The following GNB1 variants were observed in gnomAD, a reference collection of about 807,000 sequenced individuals.
GNB1 encodes guanine nucleotide-binding protein G(I)/G(S)/G(T) subunit beta-1.
GNB1 carries 2 observed loss-of-function variants against 42.9 expected under a neutral mutation model. That is an observed-to-expected ratio of 0.05 (90% CI 0.02 to 0.15). The LOEUF (loss-of-function observed/expected upper bound fraction) is 0.15, where lower values mean the gene tolerates loss of function less well. Ranked by LOEUF, GNB1 falls within the 10% of genes least tolerant of loss-of-function variation. The pLI, the probability that GNB1 is intolerant of heterozygous loss-of-function variation, is 1.00. For missense variants in GNB1, 193 were observed against 462.2 expected (o/e 0.42, Z 5.34); for synonymous variants, 183 against 174.7 (o/e 1.05, Z -0.38).
chr1:1,875,585 T>C (rs1649497107), intron 1 of GNB1, among the ~76,000 whole-genome samples: 2 of 152,156 alleles, frequency 1.3e-5, no homozygotes, highest in Admixed American at 1.3e-4. Flanking sequence ...CATAGCTCAT[T>C]GCAGCCTCAA....
intron 1 of GNB1, among the ~76,000 whole-genome samples, chr1:1,878,579 A>G (rs1195337078): frequency 6.6e-6 from 1 of 152,144 alleles, no homozygotes; most frequent in South Asian, 2.1e-4. Flanking sequence ...GCCCTACAGC[A>G]GACTCGTCCG....
At chr1:1,830,162 A>T (rs2101045345) in intron 2 of GNB1, among the ~76,000 whole-genome samples, 1 of 152,280 alleles carries the variant, frequency 6.6e-6, no homozygotes, top group Middle Eastern at 3.4e-3. Context: ...ACCCCCCTAC[A>T]CACCAACACA....
At chr1:1,810,408 C>T (rs1249819519) in intron 5 of GNB1, among the ~76,000 whole-genome samples, 1 of 151,782 alleles carries the variant, frequency 6.6e-6, no homozygotes, top group Non-Finnish European at 1.5e-5. Context: ...CAGTGATGTG[C>T]ACCTGTGGTA....
At chr1:1,876,510 A>AGAGAGAGC (rs1649553464) in intron 1 of GNB1, among the ~76,000 whole-genome samples, 1 of 151,784 alleles carries the variant, frequency 6.6e-6, no homozygotes, top group African/African-American at 2.4e-5. Flanking sequence ...AGAGAGAGAG[A>AGAGAGAGC]GAGAGCGAGC....
intron 7 of GNB1, among the ~76,000 whole-genome samples, chr1:1,797,153 C>T (rs899040077): frequency 3.9e-5 from 6 of 152,124 alleles, no homozygotes; most frequent in Non-Finnish European, 5.9e-5. Flanking sequence ...AAGAACGGGA[C>T]GATGGGCTTG....
At chr1:1,854,610 C>CT (rs1281734892) in intron 1 of GNB1, among the ~76,000 whole-genome samples, 1 of 152,166 alleles carries the variant, frequency 6.6e-6, no homozygotes, top group Non-Finnish European at 1.5e-5. Flanking sequence ...ACATTCCTTC[C>CT]TAAGTAAGTT....
At chr1:1,876,229 T>C (rs148481431) in intron 1 of GNB1, among the ~76,000 whole-genome samples, 238 of 152,276 alleles carry the variant, frequency 1.6e-3, no homozygotes, top group African/African-American at 5.5e-3. Context: ...GAAACTAACA[T>C]TGTGTCATTT....
intron 3 of GNB1, among the ~76,000 whole-genome samples, chr1:1,823,242 G>GAAAAAAAAAAAAAAAAA (rs745874003): frequency 2.7e-5 from 1 of 36,842 alleles, no homozygotes; most frequent in Non-Finnish European, 5.7e-5. Context: ...ACTGTCTCCA[G>GAAAAAAAAAAAAAAAAA]AAAAAAAAAA....
At chr1:1,847,219 T>C (rs746109454) in intron 1 of GNB1, among the ~76,000 whole-genome samples, 3 of 152,182 alleles carry the variant, frequency 2.0e-5, no homozygotes, top group Non-Finnish European at 4.4e-5. Context: ...TCTACAAAGC[T>C]GCTAACCCCT....
chr1:1,802,078 T>C (rs1646633680), intron 7 of GNB1, among the ~76,000 whole-genome samples: 1 of 152,164 alleles, frequency 6.6e-6, no homozygotes, highest in South Asian at 2.1e-4. Context: ...GAAGCACAGA[T>C]TGACAGAATT....
chr1:1,803,441 G>A (rs183254470), intron 7 of GNB1, among the ~76,000 whole-genome samples: 1 of 152,244 alleles, frequency 6.6e-6, no homozygotes, highest in East Asian at 1.9e-4. Context: ...GTGCCACTGT[G>A]CGTGGCTGTT....
At chr1:1,874,191 C>A (rs1246261422) in intron 1 of GNB1, among the ~76,000 whole-genome samples, 1 of 152,166 alleles carries the variant, frequency 6.6e-6, no homozygotes, top group African/African-American at 2.4e-5. Flanking sequence ...CGCCTCCTGG[C>A]CAGGTGCGGT....
intron 1 of GNB1, among the ~76,000 whole-genome samples, chr1:1,866,753 G>C (rs1648964544): frequency 6.6e-6 from 1 of 151,832 alleles, no homozygotes; most frequent in Admixed American, 6.6e-5. Context: ...AGGAGATCGA[G>C]ACCATCTTGG....
At chr1:1,845,809 TTG>T (rs913102148) in intron 1 of GNB1, among the ~76,000 whole-genome samples, 2 of 134,516 alleles carry the variant, frequency 1.5e-5, no homozygotes. Flanking sequence ...GTAGAATCAT[TTG>T]TGTGTAAGTC....
At chr1:1,807,492 A>AC (rs1646717281) in intron 5 of GNB1, among the ~76,000 whole-genome samples, 1 of 145,722 alleles carries the variant, frequency 6.9e-6, no homozygotes, top group African/African-American at 2.5e-5. Flanking sequence ...AAAAAAAAAA[A>AC]ACAAACAGAA....
intron 1 of GNB1, among the ~76,000 whole-genome samples, chr1:1,877,207 G>A (rs1649591082): frequency 6.6e-6 from 1 of 151,474 alleles, no homozygotes; most frequent in African/African-American, 2.4e-5. Flanking sequence ...GGCTGAGGCA[G>A]GAGAATCGCC....
At chr1:1,869,502 TCAGGAAC>T (rs1649131085) in intron 1 of GNB1, among the ~76,000 whole-genome samples, 1 of 152,144 alleles carries the variant, frequency 6.6e-6, no homozygotes, top group African/African-American at 2.4e-5. Flanking sequence ...CACAGGTCCA[TCAGGAAC>T]TGGAGCTTTT....
chr1:1,825,201 T>C (rs191864460), intron 3 of GNB1, 196 bp downstream of exon 3: 5 of 578,664 alleles, frequency 8.6e-6, no homozygotes, highest in Admixed American at 2.8e-5. Context: ...ACAAATTGTA[T>C]ACAGAAAGCA....
At chr1:1,867,707 G>A (rs1440606092) in intron 1 of GNB1, among the ~76,000 whole-genome samples, 1 of 152,026 alleles carries the variant, frequency 6.6e-6, no homozygotes, top group African/African-American at 2.4e-5. Context: ...TTGAACTATA[G>A]TTCAGAGGCC....
Sources: allele counts gnomAD v4.1 joint callset (sites outside exome capture counted in the v4.1 genomes callset), GRCh38; gene constraint gnomAD v4.1.1; transcripts MANE v1.5; gene names NCBI Gene and HGNC (gene_info 2026-07-23, HGNC 2026-07-21).